NPAS2: variants seen among roughly 807,000 people sequenced by gnomAD.
NPAS2 encodes the protein neuronal PAS domain protein 2.
Under a neutral mutation model 107.5 loss-of-function variants are expected in NPAS2, and 23 were observed. The ratio of observed to expected loss-of-function variants is 0.21; its 90% CI spans 0.15 to 0.30. The LOEUF (loss-of-function observed/expected upper bound fraction) is 0.30. NPAS2 is among the 10% of genes least tolerant of loss of function. The pLI, the probability that NPAS2 is intolerant of heterozygous loss-of-function variation, is 1.00. For missense variants in NPAS2, 756 were observed against 1,043.3 expected (o/e 0.72, Z 3.79); for synonymous variants, 403 against 417.5 (o/e 0.97, Z 0.42).
At chr2:100,902,793 C>T (rs904864093) in intron 1 of NPAS2, among the ~76,000 whole-genome samples, 19 of 152,146 alleles carry the variant, frequency 1.2e-4, no homozygotes, top group African/African-American at 1.7e-4. Flanking sequence ...AATATCAGCA[C>T]GGAGCTTCTG....
chr2:100,979,482 A>C (rs1373218611), intron 15 of NPAS2, among the ~76,000 whole-genome samples: 5 of 55,998 alleles, frequency 8.9e-5, no homozygotes, highest in African/African-American at 4.6e-4. Flanking sequence ...AATAATAACT[A>C]TATATATATA....
rs376325767 is a variant in NPAS2, at chr2:100,881,426, C to G, written c.-22-23307C>G. On this transcript the variant is annotated intron_variant, in intron 1 of 20. Transcript: ENST00000335681. ...TGGGCCGGGGCATGGGGGCTCACCC[C>G]TGTGCTCCCAGCACTTTGGGAGGCC... 2.4e-4 allele frequency among the ~76,000 whole-genome samples: 36 copies of G among 152,368 alleles called. No individual in the cohort carries two copies. In the East Asian group the frequency reaches 6.2e-3, roughly 26 times the overall value.
At chr2:100,957,532 G>A (rs960843282) in intron 7 of NPAS2, among the ~76,000 whole-genome samples, 2 of 152,352 alleles carry the variant, frequency 1.3e-5, no homozygotes, top group African/African-American at 2.4e-5. Context: ...CTTCTCCAGC[G>A]AAATAGTGCC....
intron 3 of NPAS2, among the ~76,000 whole-genome samples, chr2:100,929,821 A>G (rs1221171704): frequency 6.6e-6 from 1 of 152,214 alleles, no homozygotes; most frequent in Non-Finnish European, 1.5e-5. Context: ...GAATTTCAAC[A>G]TGCTTCCTGC....
Position 100,896,480 on chromosome 2 carries a change from C to A in NPAS2, c.-22-8253C>A, listed in dbSNP as rs142334448. Among the ~76,000 whole-genome samples the A allele has an allele frequency of 2.3e-3, 346 of 152,278 alleles. 1 individual carries two copies. Among genetic ancestry groups the A allele is most frequent in the African/African-American group, 8.1e-3 (338 of 41,564 alleles). On this transcript the variant is annotated intron_variant, in intron 1 of 20. Transcript: ENST00000335681. ...ATGAGTGGAGGATAACTATAGCCAG[C>A]CCATTCCACCCACAGAACTGATGGA...
At chr2:100,852,292 G>A (rs572129730) in intron 1 of NPAS2, among the ~76,000 whole-genome samples, 1 of 152,256 alleles carries the variant, frequency 6.6e-6, no homozygotes, top group African/African-American at 2.4e-5. Flanking sequence ...AGCTAATCGG[G>A]AGGCTGAGGC....
chr2:100,937,922 TG>T (rs1008306214), intron 5 of NPAS2, 80 bp downstream of exon 5: 5 of 1,130,046 alleles, frequency 4.4e-6, no homozygotes, highest in South Asian at 1.2e-5. Flanking sequence ...AGATGGAAGG[TG>T]GTGCAGGTGT....
At chr2:100,923,874 C>T (rs1167791661) in intron 2 of NPAS2, among the ~76,000 whole-genome samples, 1 of 152,050 alleles carries the variant, frequency 6.6e-6, no homozygotes, top group Non-Finnish European at 1.5e-5. Context: ...CCGGACTTTT[C>T]AGGAGGGCTT....
At chr2:100,879,086 C>G (rs1680164370) in intron 1 of NPAS2, among the ~76,000 whole-genome samples, 1 of 149,922 alleles carries the variant, frequency 6.7e-6, no homozygotes, top group Admixed American at 6.7e-5. Context: ...GTGTTCCAGC[C>G]TGGGCGACAG....
intron 1 of NPAS2, among the ~76,000 whole-genome samples, chr2:100,854,606 G>T (rs1362625288): frequency 6.6e-6 from 1 of 152,180 alleles, no homozygotes; most frequent in African/African-American, 2.4e-5. Flanking sequence ...TGGTCACAAG[G>T]CCCTTCTCTT....
chr2:100,902,571 A>C (rs555351937), intron 1 of NPAS2, among the ~76,000 whole-genome samples: 1 of 152,302 alleles, frequency 6.6e-6, no homozygotes, highest in East Asian at 1.9e-4. Flanking sequence ...GGGAATGGGG[A>C]CTTCTTGTTG....
chr2:100,848,683 C>T (rs1226353277), intron 1 of NPAS2, among the ~76,000 whole-genome samples: 2 of 152,168 alleles, frequency 1.3e-5, no homozygotes, highest in Non-Finnish European at 2.9e-5. Context: ...CACAGTTCAA[C>T]AATACAGAGC....
At chr2:100,969,862 C>A (rs568303109) in intron 11 of NPAS2, among the ~76,000 whole-genome samples, 1 of 152,066 alleles carries the variant, frequency 6.6e-6, no homozygotes, top group African/African-American at 2.4e-5. Context: ...AGAAAAGGTA[C>A]GGTAAAAATA....
chr2:100,878,106 G>A, intron 1 of NPAS2: 1 of 985,420 alleles, frequency 1.0e-6, no homozygotes, highest in Non-Finnish European at 1.2e-6. Flanking sequence ...GTCCACGGAA[G>A]GTTGTTTGGC....
At chr2:100,991,991 G>A (rs1022551085) in intron 19 of NPAS2, among the ~76,000 whole-genome samples, 36 of 152,186 alleles carry the variant, frequency 2.4e-4, no homozygotes, top group African/African-American at 8.7e-4. Flanking sequence ...TTTGGTCACA[G>A]GAGGGTAAGG....
chr2:100,945,414 T>C (rs1674827140), intron 5 of NPAS2, among the ~76,000 whole-genome samples: 1 of 152,226 alleles, frequency 6.6e-6, no homozygotes, highest in Non-Finnish European at 1.5e-5. Context: ...CCTGGGACTC[T>C]GTCTGCTCCT....
intron 4 of NPAS2, among the ~76,000 whole-genome samples, chr2:100,936,127 G>T (rs1212352015): frequency 6.6e-6 from 1 of 152,172 alleles, no homozygotes; most frequent in Non-Finnish European, 1.5e-5. Flanking sequence ...CCAGCTGTCG[G>T]TGTAAAATAA....
chr2:100,980,888 T>C (rs1441601192), intron 15 of NPAS2, among the ~76,000 whole-genome samples: 1 of 152,144 alleles, frequency 6.6e-6, no homozygotes, highest in Non-Finnish European at 1.5e-5. Flanking sequence ...TTCTTGGCCT[T>C]GCTCAGCTCC....
intron 14 of NPAS2, 129 bp from the exon 15 acceptor site, chr2:100,977,581 T>C (rs1480524745): frequency 4.0e-6 from 3 of 747,530 alleles, no homozygotes; most frequent in Admixed American, 2.1e-5. Flanking sequence ...ACCTATACTT[T>C]CTAGAACTCT....
Sources: allele counts gnomAD v4.1 joint callset (sites outside exome capture counted in the v4.1 genomes callset), GRCh38; gene constraint gnomAD v4.1.1; transcripts MANE v1.5; gene names NCBI Gene and HGNC (gene_info 2026-07-23, HGNC 2026-07-21).